The following CCDC171 variants were observed in gnomAD, a reference collection of about 807,000 sequenced individuals.
CCDC171 encodes the protein coiled-coil domain containing 171.
Under a neutral mutation model 168.2 loss-of-function variants are expected in CCDC171, and 177 were observed. The observed-to-expected ratio is 1.05, with a 90% CI of 0.93 to 1.19. The LOEUF (loss-of-function observed/expected upper bound fraction) is 1.19. Among genes scored for constraint, CCDC171 ranks in the 50% most tolerant of loss-of-function variants. The pLI, the probability that CCDC171 is intolerant of heterozygous loss-of-function variation, is 0.00. For synonymous variants in CCDC171, 687 were observed against 540.8 expected (o/e 1.27, Z -3.75); for missense variants, 1,991 against 1,539.0 (o/e 1.29, Z -4.91).
At chr9:15,940,420 T>G (rs978719252) in intron 25 of CCDC171, among the ~76,000 whole-genome samples, 8 of 151,854 alleles carry the variant, frequency 5.3e-5, no homozygotes, top group African/African-American at 1.7e-4. Flanking sequence ...CTGACTTGAC[T>G]TCTCAACTTC....
In CCDC171 at chr9:15,577,577, C is replaced by A. The variant is rs2040770806; in HGVS notation, c.178-1272C>A. ...CCAATATTATAAACCCATCTTGAGA[C>A]AATTTCTGATACCAAGAGCAATATT... On this transcript the variant is annotated intron_variant, in intron 3 of 25. Transcript: ENST00000380701. Among the ~76,000 whole-genome samples, 3 of 152,154 alleles carry A rather than the reference C, an allele frequency of 2.0e-5. No individual in the cohort carries two copies. The South Asian group carries it at 6.2e-4, about 32-fold the overall frequency.
intron 24 of CCDC171, among the ~76,000 whole-genome samples, chr9:15,897,536 T>G (rs1406174651): frequency 6.6e-6 from 1 of 152,158 alleles, no homozygotes; most frequent in Non-Finnish European, 1.5e-5. Flanking sequence ...TTTGAAGTTC[T>G]TTTATTTGAA....
In CCDC171 at chr9:15,666,227, C is replaced by T. The variant is rs1418827583; in HGVS notation, c.980C>T (p.Ala327Val). The T allele has an allele frequency of 6.2e-7, 1 of 1,613,640 alleles. No homozygotes were observed. The highest frequency in any genetic ancestry group is 8.5e-7 in the Non-Finnish European group (1 of 1,179,752). Residue 327 changes from alanine (A) to valine (V), a missense_variant, in exon 9 of 26, where the codon GCT becomes GTT. Coordinates refer to ENST00000380701, the MANE Select transcript of CCDC171 (RefSeq NM_173550.4). ...VEKASQAEAVADLEIIKNEFK... is the reference protein window; with the variant it reads ...VEKASQAEAVVDLEIIKNEFK... ...AAGGCCAGTCAAGCAGAAGCTGTTGCTGATTTGGAAATTATCAAGAATGAA... is the reference window on the plus strand; with the variant it reads ...AAGGCCAGTCAAGCAGAAGCTGTTGTTGATTTGGAAATTATCAAGAATGAA...
At chr9:16,060,905 C>T (rs956531125) in exon 2 of CCDC171, 1 of 152,210 alleles carries the variant, frequency 6.6e-6, no homozygotes, top group Non-Finnish European at 1.5e-5. Flanking sequence ...TGGGCTTATG[C>T]TTGTCATTCT....
chr9:15,779,795 A>T (rs2135424209), intron 20 of CCDC171, among the ~76,000 whole-genome samples: 1 of 152,396 alleles, frequency 6.6e-6, no homozygotes, highest in South Asian at 2.1e-4. Flanking sequence ...AGCAGAAAAT[A>T]GCTGAAAAAG....
the CCDC171 span, among the ~76,000 whole-genome samples, chr9:16,108,561 G>T: frequency 6.6e-6 from 1 of 152,182 alleles, no homozygotes; most frequent in Admixed American, 6.5e-5. Context: ...TCTGAAGTGA[G>T]CAGACTTAGA....
At chr9:16,036,404 G>A (rs1018418225) in intron 8 of CCDC171, among the ~76,000 whole-genome samples, 3 of 152,194 alleles carry the variant, frequency 2.0e-5, no homozygotes, top group Admixed American at 6.5e-5. Context: ...CGGCAATTTG[G>A]GAGGCCAAGG....
intron 20 of CCDC171, 56 bp downstream of exon 20, chr9:15,779,206 C>G (rs1588448393): frequency 9.8e-7 from 1 of 1,018,004 alleles, no homozygotes; most frequent in South Asian, 3.6e-5. Flanking sequence ...TTCTTTATCT[C>G]TATATCCTTT....
chr9:15,892,898 C>T (rs888632945), intron 24 of CCDC171, among the ~76,000 whole-genome samples: 1 of 152,076 alleles, frequency 6.6e-6, no homozygotes, highest in African/African-American at 2.4e-5. Context: ...TACCATTAAA[C>T]TACCATTGAC....
intron 6 of CCDC171, among the ~76,000 whole-genome samples, chr9:15,608,499 G>T (rs1445307414): frequency 6.6e-6 from 1 of 152,080 alleles, no homozygotes; most frequent in Non-Finnish European, 1.5e-5. Flanking sequence ...TTTGAAATAG[G>T]ATATGTGTGA....
intron 10 of CCDC171, among the ~76,000 whole-genome samples, chr9:15,683,243 A>G (rs1313454103): frequency 1.3e-5 from 2 of 151,916 alleles, no homozygotes; most frequent in African/African-American, 4.8e-5. Context: ...TTTTTTCCCC[A>G]ATACTTTTGG....
intron 6 of CCDC171, among the ~76,000 whole-genome samples, chr9:15,609,311 G>A (rs1214520818): frequency 6.6e-6 from 1 of 152,012 alleles, no homozygotes; most frequent in Non-Finnish European, 1.5e-5. Context: ...GTTTCACCAT[G>A]TTGGCCAGGC....
chr9:15,771,479 C>G (rs2057009154), intron 18 of CCDC171, among the ~76,000 whole-genome samples: 1 of 152,076 alleles, frequency 6.6e-6, no homozygotes, highest in South Asian at 2.1e-4. Context: ...CATTCATATT[C>G]TACAAATGAT....
At chr9:15,939,091 CT>C (rs932506413) in intron 25 of CCDC171, among the ~76,000 whole-genome samples, 129 of 143,316 alleles carry the variant, frequency 9.0e-4, no homozygotes, top group Admixed American at 1.5e-3. Flanking sequence ...ATAATATAAC[CT>C]TTTTTTTTTT....
rs116535658 is a variant in CCDC171 at position 15,611,433 on chromosome 9, G to A, written c.676-11834G>A. ...TGAGAAGAAGCTCTTTGGATGTGGA[G>A]CCCTTGCATTGAATTAGGGAACCTT... On this transcript the variant is annotated intron_variant, in intron 6 of 25. Transcript: ENST00000380701. Among the ~76,000 whole-genome samples the A allele has an allele frequency of 6.2e-3, 946 of 152,236 alleles. 7 individuals carry two copies. Among genetic ancestry groups the A allele is most frequent in the African/African-American group, 0.022 (921 of 41,530 alleles).
intron 2 of CCDC171, among the ~76,000 whole-genome samples, chr9:15,566,543 A>G (rs1236016112): frequency 6.6e-6 from 1 of 152,230 alleles, no homozygotes; most frequent in Non-Finnish European, 1.5e-5. Context: ...AGGGTGACAG[A>G]GCGAGACTTT....
intron 25 of CCDC171, among the ~76,000 whole-genome samples, chr9:15,929,291 C>A (rs1826234701): frequency 6.6e-6 from 1 of 151,666 alleles, no homozygotes; most frequent in South Asian, 2.1e-4. Flanking sequence ...ATGGCAACAA[C>A]TAAATATGCT....
intron 21 of CCDC171, among the ~76,000 whole-genome samples, chr9:15,810,364 C>T (rs532669388): frequency 6.6e-6 from 1 of 152,318 alleles, no homozygotes; most frequent in African/African-American, 2.4e-5. Context: ...GGGCCACGGG[C>T]AGAGCTGCCT....
intron 25 of CCDC171, among the ~76,000 whole-genome samples, chr9:15,952,691 G>A (rs3008672): frequency 3.4e-4 from 51 of 151,866 alleles, no homozygotes; most frequent in Admixed American, 4.6e-4. Context: ...GCCACCGCGC[G>A]CGGCCAGATT....
Sources: allele counts gnomAD v4.1 joint callset (sites outside exome capture counted in the v4.1 genomes callset), GRCh38; gene constraint gnomAD v4.1.1; transcripts MANE v1.5; gene names NCBI Gene and HGNC (gene_info 2026-07-23, HGNC 2026-07-21).